The following GAN variants were observed in gnomAD, a reference collection of about 807,000 sequenced individuals.
The protein encoded by GAN is gigaxonin.
Under a neutral mutation model 71.3 loss-of-function variants are expected in GAN, and 48 were observed. The ratio of observed to expected loss-of-function variants is 0.67; its 90% CI spans 0.53 to 0.86. The LOEUF (loss-of-function observed/expected upper bound fraction) is 0.86, where lower values mean the gene tolerates loss of function less well. GAN is among the 40% of genes least tolerant of loss of function. GAN has a pLI of 0.00. For synonymous variants in GAN, 386 were observed against 276.8 expected, an observed-to-expected ratio of 1.39 and a Z score of -3.92; for missense variants, 928 against 770.1, an observed-to-expected ratio of 1.21 and a Z score of -2.43.
intron 1 of GAN, among the ~76,000 whole-genome samples, chr16:81,350,546 CGCTCT>C (rs1910266188): frequency 6.8e-6 from 1 of 146,498 alleles, no homozygotes; most frequent in Admixed American, 6.9e-5. Context: ...GGCAGAGTCT[CGCTCT>C]GTCACCTAGG....
At chr16:81,342,507 T>C (rs1909977559) in intron 1 of GAN, among the ~76,000 whole-genome samples, 1 of 152,206 alleles carries the variant, frequency 6.6e-6, no homozygotes, top group Non-Finnish European at 1.5e-5. Context: ...ACATGGAAAC[T>C]GAACAACTTG....
Position 81,390,212 on chromosome 16 carries a change from T to C in GAN, c.*12616T>C, listed in dbSNP as rs904432664. The C allele has an allele frequency of 6.6e-6, 1 of 152,194 alleles. No individual in the cohort carries two copies. Among genetic ancestry groups the C allele is most frequent in the Non-Finnish European group, 1.5e-5 (1 of 68,020 alleles). The allele number at this position is 152,194 out of a possible 1,614,324, so 9.4% of individuals were successfully genotyped here. ...TGCTAGAAGGCTGCAACTTGTAAAATTGTACTCCCCAAGTTCAGTAGGATA... is the reference window on the plus strand; with the variant it reads ...TGCTAGAAGGCTGCAACTTGTAAAACTGTACTCCCCAAGTTCAGTAGGATA... On this transcript the variant is annotated 3_prime_UTR_variant, in exon 11 of 11. Transcript: ENST00000648994.
chr16:81,316,245 G>A (rs1026853816), intron 1 of GAN, among the ~76,000 whole-genome samples: 16 of 152,142 alleles, frequency 1.1e-4, no homozygotes, highest in Non-Finnish European at 2.4e-4. Flanking sequence ...CAGTAAGCTG[G>A]TTAAATATAA....
At chr16:81,357,484 A>G (rs1218804514) in intron 4 of GAN, among the ~76,000 whole-genome samples, 3 of 152,094 alleles carry the variant, frequency 2.0e-5, no homozygotes, top group East Asian at 1.9e-4. Flanking sequence ...TATGTGCTAC[A>G]TTTTCTTAAT....
At chr16:81,356,431 C>A (rs7203482) in intron 3 of GAN, among the ~76,000 whole-genome samples, 33 of 151,784 alleles carry the variant, frequency 2.2e-4, no homozygotes, top group Non-Finnish European at 2.1e-4. Flanking sequence ...CATGATTTAA[C>A]TCATGGCACA....
At chr16:81,354,894 T>C (rs2150685863) in intron 3 of GAN, 139 bp downstream of exon 3, 2 of 636,892 alleles carry the variant, frequency 3.1e-6, no homozygotes, top group South Asian at 3.8e-5. Context: ...CATGTTCCCC[T>C]ATATCATGAA....
chr16:81,372,946 C>G (rs1041227850), intron 9 of GAN, among the ~76,000 whole-genome samples: 1 of 152,096 alleles, frequency 6.6e-6, no homozygotes, highest in Non-Finnish European at 1.5e-5. Context: ...TATCCCAGTC[C>G]CAGCAGACTA....
chr16:81,384,932 C>G lies in GAN; in HGVS notation c.*7336C>G, dbSNP rs1208777463. On this transcript the variant is annotated 3_prime_UTR_variant, in exon 11 of 11. Transcript: ENST00000648994. ...TCTCGGGAGATCTTGTAATAATGGC[C>G]CAGTTTCAGGGCACAGTTGTACACA... 7 of 154,162 alleles carry G rather than the reference C, an allele frequency of 4.5e-5. No homozygotes were observed. 9.5% of individuals were successfully genotyped at this position (154,162 alleles called of 1,614,324 possible). A position where few individuals can be genotyped will look rare whatever the true frequency, so the allele number is the denominator to read the frequency against.
rs890902959 is a variant in GAN, at chr16:81,363,686, C to T, written c.1087-108C>T. ...TCCTTGCTCTAGGAGTCCCCATTGT[C>T]TATTTTTGCCATCTTTATGTTTCTC... On this transcript the variant is annotated intron_variant, in intron 6 of 10. Transcript: ENST00000648994. 10 of 1,115,272 alleles carry T rather than the reference C, an allele frequency of 9.0e-6. No homozygotes were observed. The East Asian group carries it at 2.4e-4, about 27-fold the overall frequency. The allele number at this position is 1,115,272 out of a possible 1,614,324, so 69.1% of individuals were successfully genotyped here. A position where few individuals can be genotyped will look rare whatever the true frequency, so the allele number is the denominator to read the frequency against.
chr16:81,341,876 G>C (rs1909954784), intron 1 of GAN, among the ~76,000 whole-genome samples: 1 of 152,110 alleles, frequency 6.6e-6, no homozygotes, highest in Non-Finnish European at 1.5e-5. Flanking sequence ...AGTGTGCTGT[G>C]TTCAGGAGAC....
intron 1 of GAN, among the ~76,000 whole-genome samples, chr16:81,323,937 G>T (rs1271948654): frequency 6.6e-6 from 1 of 152,110 alleles, no homozygotes; most frequent in Non-Finnish European, 1.5e-5. Flanking sequence ...TCTCTGTGGG[G>T]CTGGAGAAGG....
At chr16:81,358,627 A>G (rs916933258) in intron 5 of GAN, among the ~76,000 whole-genome samples, 11 of 152,104 alleles carry the variant, frequency 7.2e-5, no homozygotes, top group African/African-American at 2.4e-4. Flanking sequence ...AAGAAAAAAA[A>G]AGAGAAGTTA....
At chr16:81,349,777 TAAG>T (rs1294369525) in intron 1 of GAN, among the ~76,000 whole-genome samples, 2 of 152,248 alleles carry the variant, frequency 1.3e-5, no homozygotes, top group Non-Finnish European at 2.9e-5. Context: ...TATTTGTTTC[TAAG>T]AAGTTCTCCC....
intron 1 of GAN, among the ~76,000 whole-genome samples, chr16:81,337,117 T>G (rs563769629): frequency 2.0e-5 from 3 of 152,228 alleles, no homozygotes; most frequent in African/African-American, 7.2e-5. Context: ...TTTCAGGAGC[T>G]CCTGAAGACA....
chr16:81,362,635 G>C (rs1219737689), intron 6 of GAN, 24 bp downstream of exon 6: 1 of 1,123,692 alleles, frequency 8.9e-7, no homozygotes, highest in East Asian at 2.3e-5. Flanking sequence ...TGGTTGGTTT[G>C]TTTGATGTGT....
chr16:81,374,078 C>T (rs1904275023), intron 9 of GAN, among the ~76,000 whole-genome samples: 1 of 152,170 alleles, frequency 6.6e-6, no homozygotes, highest in African/African-American at 2.4e-5. Flanking sequence ...TGACCTTCAT[C>T]CTCTTGAAGG....
At chr16:81,336,208 A>G (rs1909756385) in intron 1 of GAN, among the ~76,000 whole-genome samples, 1 of 152,178 alleles carries the variant, frequency 6.6e-6, no homozygotes. Flanking sequence ...CTACCTGCTG[A>G]GGAGCTTCCT....
At chr16:81,347,592 A>G (rs900370240) in intron 1 of GAN, among the ~76,000 whole-genome samples, 30 of 152,150 alleles carry the variant, frequency 2.0e-4, no homozygotes, top group Non-Finnish European at 4.3e-4. Flanking sequence ...TGGGAAGTAA[A>G]TTGTTTTGTG....
At chr16:81,364,879 A>G in intron 7 of GAN, 95 bp from the exon 8 acceptor site, 1 of 1,244,776 alleles carries the variant, frequency 8.0e-7, no homozygotes, top group Non-Finnish European at 1.2e-6. Flanking sequence ...CCCCTTCCTA[A>G]ATCTCTTTAA....
Sources: gnomAD v4.1 joint callset for allele counts (sites outside exome capture counted in the v4.1 genomes callset) on GRCh38, gnomAD v4.1.1 for gene constraint, MANE v1.5 for transcripts, NCBI Gene and HGNC (gene_info 2026-07-23, HGNC 2026-07-21) for gene names.